PRELID2: variants seen among roughly 807,000 people sequenced by gnomAD.
The protein encoded by PRELID2 is PRELI domain containing 2.
A neutral mutation model predicts 28.4 loss-of-function variants in PRELID2; 25 were observed. That is an observed-to-expected ratio of 0.88 (90% CI 0.64 to 1.23). PRELID2 has a LOEUF of 1.23. Among genes scored for constraint, PRELID2 ranks in the 50% most tolerant of loss-of-function variants. PRELID2 has a pLI of 0.00. For missense variants in PRELID2, 201 were observed against 214.4 expected, an observed-to-expected ratio of 0.94 and a Z score of 0.39; for synonymous variants, 76 against 71.6, an observed-to-expected ratio of 1.06 and a Z score of -0.31.
At chr5:145,421,467 T>C in the PRELID2 span, among the ~76,000 whole-genome samples, 2 of 150,362 alleles carry the variant, frequency 1.3e-5, no homozygotes, top group Non-Finnish European at 3.0e-5. Flanking sequence ...CTTGGGAGAG[T>C]GTATGTGTCC....
chr5:145,358,058 C>T, the PRELID2 span, among the ~76,000 whole-genome samples: 5 of 151,980 alleles, frequency 3.3e-5, no homozygotes, highest in East Asian at 7.8e-4. Context: ...GCCTGCATTT[C>T]TTTTGTTGGG....
the PRELID2 span, among the ~76,000 whole-genome samples, chr5:145,350,831 G>A: frequency 6.6e-6 from 1 of 152,154 alleles, no homozygotes; most frequent in African/African-American, 2.4e-5. Flanking sequence ...TGAGAAGCCT[G>A]CAGGCTTCCA....
intron 1 of PRELID2, among the ~76,000 whole-genome samples, chr5:145,483,304 C>T (rs1243835717): frequency 2.6e-5 from 4 of 152,168 alleles, no homozygotes; most frequent in Non-Finnish European, 4.4e-5. Flanking sequence ...GCCTACATTA[C>T]AAATAGCATG....
At chr5:145,295,451 G>T in the PRELID2 span, among the ~76,000 whole-genome samples, 2 of 152,080 alleles carry the variant, frequency 1.3e-5, no homozygotes, top group Non-Finnish European at 2.9e-5. Flanking sequence ...GGAAAGTGGT[G>T]GTTGAAGTAA....
the PRELID2 span, among the ~76,000 whole-genome samples, chr5:145,352,047 ATGTC>A: frequency 1.3e-5 from 2 of 152,076 alleles, no homozygotes; most frequent in Non-Finnish European, 2.9e-5. Context: ...CTGACGTTGA[ATGTC>A]TGTGGCTTTT....
the PRELID2 span, among the ~76,000 whole-genome samples, chr5:145,259,957 T>C: frequency 1.3e-5 from 2 of 152,278 alleles, no homozygotes; most frequent in Non-Finnish European, 2.9e-5. Flanking sequence ...GATTGGATCA[T>C]GGGAGGGATT....
chr5:145,505,985 G>T (rs1013304176), intron 1 of PRELID2, among the ~76,000 whole-genome samples: 1 of 152,174 alleles, frequency 6.6e-6, no homozygotes, highest in African/African-American at 2.4e-5. Flanking sequence ...GTTTCCAGGG[G>T]CTGGGAGGAG....
intron 1 of PRELID2, among the ~76,000 whole-genome samples, chr5:145,656,228 C>A (rs1031342107): frequency 3.3e-5 from 5 of 152,020 alleles, no homozygotes; most frequent in Non-Finnish European, 7.4e-5. Flanking sequence ...GTTAGAATGG[C>A]GATCATTAAA....
Position 145,788,474 on chromosome 5 carries a change from A to C in PRELID2, c.474+7968T>G, listed in dbSNP as rs6892276. On this transcript the variant is annotated intron_variant, in intron 5 of 6. Coordinates refer to ENST00000683046, the MANE Select transcript of PRELID2 (RefSeq NM_205846.3). ...GTGAATGCCTCCCAGGTTGAGGAAC[A>C]CACTGTATGGCACACCCACCAGTGC... Among the ~76,000 whole-genome samples, 3 of 152,226 alleles carry C rather than the reference A, an allele frequency of 2.0e-5. No homozygotes were observed. In the East Asian group the frequency reaches 5.8e-4, roughly 29 times the overall value.
At chr5:145,478,998 C>G (rs1325796159) in intron 1 of PRELID2, among the ~76,000 whole-genome samples, 4 of 152,170 alleles carry the variant, frequency 2.6e-5, no homozygotes, top group Admixed American at 2.6e-4. Flanking sequence ...CCTCTGCCTT[C>G]AGAATCAAGA....
At chr5:145,229,541 A>G in the PRELID2 span, 73 of 1,473,922 alleles carry the variant, frequency 5.0e-5, no homozygotes, top group Admixed American at 8.4e-5. Context: ...CAAGGATGGC[A>G]CCACCCACCA....
chr5:145,644,703 T>C (rs1224535370), intron 1 of PRELID2, among the ~76,000 whole-genome samples: 1 of 152,230 alleles, frequency 6.6e-6, no homozygotes, highest in Non-Finnish European at 1.5e-5. Context: ...CCAGAGATTC[T>C]GGTATGTTGT....
At chr5:145,772,618 G>C (rs1758179491) in intron 5 of PRELID2, among the ~76,000 whole-genome samples, 1 of 152,096 alleles carries the variant, frequency 6.6e-6, no homozygotes, top group African/African-American at 2.4e-5. Context: ...TTTATAATTG[G>C]CATGAATCCA....
chr5:145,623,946 A>G (rs1175348644), intron 1 of PRELID2, among the ~76,000 whole-genome samples: 2 of 152,142 alleles, frequency 1.3e-5, no homozygotes, highest in Admixed American at 6.5e-5. Flanking sequence ...TGCCAGTTGC[A>G]AGTACCAAGT....
At chr5:145,311,220 A>G in the PRELID2 span, among the ~76,000 whole-genome samples, 1 of 152,172 alleles carries the variant, frequency 6.6e-6, no homozygotes, top group African/African-American at 2.4e-5. Context: ...TTTCCATGCT[A>G]CCATCTCACA....
At chr5:145,697,074 T>TAC (rs1363342782) in intron 1 of PRELID2, among the ~76,000 whole-genome samples, 8 of 113,902 alleles carry the variant, frequency 7.0e-5, no homozygotes, top group Non-Finnish European at 1.0e-4. Flanking sequence ...TATATATATA[T>TAC]ATATATACAC....
intron 1 of PRELID2, among the ~76,000 whole-genome samples, chr5:145,657,361 ACT>A (rs1385579484): frequency 6.6e-6 from 1 of 152,116 alleles, no homozygotes; most frequent in Admixed American, 6.5e-5. Flanking sequence ...TTACTGGATG[ACT>A]CTACCTGCTG....
chr5:145,652,511 T>C (rs1332713464), intron 1 of PRELID2, among the ~76,000 whole-genome samples: 1 of 152,200 alleles, frequency 6.6e-6, no homozygotes, highest in Non-Finnish European at 1.5e-5. Flanking sequence ...AAAGGTCGGG[T>C]TACCCACAAG....
chr5:145,301,606 T>C, the PRELID2 span, among the ~76,000 whole-genome samples: 2 of 152,206 alleles, frequency 1.3e-5, no homozygotes, highest in Non-Finnish European at 2.9e-5. Context: ...GTTACTCTCC[T>C]GGATTTCATT....
Sources: gnomAD v4.1 joint callset for allele counts (sites outside exome capture counted in the v4.1 genomes callset) on GRCh38, gnomAD v4.1.1 for gene constraint, MANE v1.5 for transcripts, NCBI Gene and HGNC (gene_info 2026-07-23, HGNC 2026-07-21) for gene names.